UBE4A: variants seen among roughly 807,000 people sequenced by gnomAD.
UBE4A encodes the protein ubiquitination factor E4A, also known as ubiquitin conjugation factor E4 A.
UBE4A carries 48 observed loss-of-function variants against 117.9 expected under a neutral mutation model. The observed-to-expected ratio is 0.41, with a 90% CI of 0.32 to 0.52. UBE4A has a LOEUF of 0.52. Among genes scored for constraint, UBE4A ranks in the 20% least tolerant of loss-of-function variants. The pLI is 0.33. For missense variants in UBE4A, 1,067 were observed against 1,296.3 expected (o/e 0.82, Z 2.72); for synonymous variants, 407 against 450.0 (o/e 0.90, Z 1.21).
rs1202164884 is a variant in UBE4A, at chr11:118,373,211, C to A, written c.847C>A (p.Leu283Ile). 2 of 1,613,866 alleles carry A rather than the reference C, an allele frequency of 1.2e-6. No homozygotes were observed. The highest frequency in any genetic ancestry group is 8.5e-7 in the Non-Finnish European group (1 of 1,180,006). ...FDILLGRIKD[L>I]ELCQILLYAY... is the part of the protein sequence containing the mutation. ...TATTTTATTGGGCCGAATAAAAGATCTAGAGCTCTGTCAGATCCTTTTGTA... is the reference window on the plus strand; with the variant it reads ...TATTTTATTGGGCCGAATAAAAGATATAGAGCTCTGTCAGATCCTTTTGTA... The change falls in exon 7 of 20, where the codon CTA becomes ATA. Residue 283 changes from leucine (L) to isoleucine (I), a missense_variant. Coordinates refer to ENST00000252108, the MANE Select transcript of UBE4A (RefSeq NM_001204077.2).
chr11:118,377,054 T>TAA (rs565947532), intron 10 of UBE4A, among the ~76,000 whole-genome samples: 2 of 148,286 alleles, frequency 1.3e-5, no homozygotes, highest in African/African-American at 5.0e-5. Context: ...ACCTGTTTCT[T>TAA]AAAAAAAAAA....
intron 6 of UBE4A, 161 bp downstream of exon 6, chr11:118,372,827 G>A: frequency 1.8e-6 from 2 of 1,127,826 alleles, no homozygotes; most frequent in Non-Finnish European, 2.5e-6. Context: ...ATAGAATAAA[G>A]CTGGGCATGG....
chr11:118,379,438 G>C lies in UBE4A; in HGVS notation c.1572-8G>C, dbSNP rs782024590. ...CTGACCCAGTCTCTTCTGCTTTCTTGGGGGCAGGTTGCATGATCAGATGGT... is the reference window on the plus strand; with the variant it reads ...CTGACCCAGTCTCTTCTGCTTTCTTCGGGGCAGGTTGCATGATCAGATGGT... On this transcript the variant is annotated splice_polypyrimidine_tract_variant and splice_region_variant and intron_variant, in intron 10 of 19. Coordinates refer to ENST00000252108, the MANE Select transcript of UBE4A (RefSeq NM_001204077.2). 3 of 1,609,180 alleles carry C rather than the reference G, an allele frequency of 1.9e-6. No individual in the cohort carries two copies. In the Admixed American group the frequency reaches 5.0e-5, roughly 27 times the overall value.
Position 118,372,658 on chromosome 11 carries a change from A to G in UBE4A, c.713A>G (p.Gln238Arg), listed in dbSNP as rs371016655. The G allele has an allele frequency of 1.9e-6, 3 of 1,613,954 alleles. No individual in the cohort carries two copies. Among genetic ancestry groups the G allele is most frequent in the African/African-American group, 2.7e-5 (2 of 74,926 alleles). ...QLVDLMLEAI[Q>R]GAHFEDVTEF... ...GTAGATTTGATGTTAGAAGCCATCC[A>G]GGGAGCCCGTGAGTACATGAACAAG... is the stretch of plus-strand genomic sequence containing the variant. The change falls in exon 6 of 20, where the codon CAG (glutamine) becomes CGG (arginine). Residue 238 changes from glutamine to arginine, a missense_variant. By Grantham distance (43) the Gln-to-Arg change is conservative. Transcript: ENST00000252108.
At position 118,384,655 on chromosome 11, in the gene UBE4A, C is replaced by A; in HGVS notation, c.2218C>A (p.Gln740Lys). 1 of 1,614,044 alleles carries A rather than the reference C, an allele frequency of 6.2e-7. No individual in the cohort carries two copies. The highest frequency in any genetic ancestry group is 8.5e-7 in the Non-Finnish European group (1 of 1,179,986). The change falls in exon 14 of 20, where the codon CAG becomes AAG. Residue 740 changes from glutamine (Q) to lysine (K), a missense_variant. Gln to Lys is a moderately conservative substitution (Grantham distance 53). This residue lies in a region of UBE4A where 1,001 missense variants were observed against 1,184.0 expected (regional missense o/e 0.85). Transcript: ENST00000252108. ...TCCAGGAGACCCCCATCAATTTGAACAGAAGTTTAATTACCGCCGTCCCAT... is the reference window on the plus strand; with the variant it reads ...TCCAGGAGACCCCCATCAATTTGAAAAGAAGTTTAATTACCGCCGTCCCAT... ...EFTGDPHQFE[Q>K]KFNYRRPMYP...
chr11:118,395,893 G>A (rs1948866717), intron 19 of UBE4A, among the ~76,000 whole-genome samples: 1 of 152,098 alleles, frequency 6.6e-6, no homozygotes, highest in African/African-American at 2.4e-5. Flanking sequence ...TGGCCAACAT[G>A]GTGAAACTCT....
chr11:118,370,384 G>C (rs760209533), intron 4 of UBE4A, among the ~76,000 whole-genome samples: 2 of 152,190 alleles, frequency 1.3e-5, no homozygotes, highest in Non-Finnish European at 2.9e-5. Context: ...CCAGCACTTT[G>C]GGAGGCCAAG....
Position 118,386,522 on chromosome 11 carries a change from G to A in UBE4A, c.2497G>A (p.Glu833Lys). Residue 833 changes from glutamate to lysine, a missense_variant, in exon 16 of 20, where the codon GAG (glutamate) becomes AAG (lysine). Coordinates refer to ENST00000252108, the MANE Select transcript of UBE4A (RefSeq NM_001204077.2). ...SLTPEARREK[E>K]AGLQMFGQLA... ...GACTCCAGAAGCCCGCCGAGAAAAGGAGGCTGGCCTACAGATGTTTGGACA... is the reference window on the plus strand; with the variant it reads ...GACTCCAGAAGCCCGCCGAGAAAAGAAGGCTGGCCTACAGATGTTTGGACA... 1 of 1,608,078 alleles carries A rather than the reference G, an allele frequency of 6.2e-7. No individual in the cohort carries two copies. The highest frequency in any genetic ancestry group is 1.3e-5 in the African/African-American group (1 of 74,414).
chr11:118,385,030 A>C, intron 15 of UBE4A, 85 bp downstream of exon 15: 1 of 1,260,860 alleles, frequency 7.9e-7, no homozygotes, highest in Non-Finnish European at 1.1e-6. Flanking sequence ...TTTAATCATA[A>C]TAGAGCAGTC....
At position 118,386,422 on chromosome 11, in the gene UBE4A, TC is replaced by T; in HGVS notation, c.2413-15del. The T allele has an allele frequency of 6.3e-7, 1 of 1,598,456 alleles. No homozygotes were observed. Among genetic ancestry groups the T allele is most frequent in the South Asian group, 1.1e-5 (1 of 88,206 alleles). On this transcript the variant is annotated splice_polypyrimidine_tract_variant and intron_variant, in intron 15 of 19. Transcript: ENST00000252108. ...CACCTTTCTTCTCTGATATATCCCA[TC>T]TCTGGTTTCTGCAGTATTTGAGCAA... is the stretch of plus-strand genomic sequence containing the variant.
intron 3 of UBE4A, 35 bp from the exon 4 acceptor site, chr11:118,369,388 T>C (rs747257013): frequency 1.5e-5 from 22 of 1,507,644 alleles, no homozygotes; most frequent in Non-Finnish European, 2.0e-5. Context: ...ACAGAAGCAT[T>C]ATCCTTAACC....
intron 2 of UBE4A, 45 bp downstream of exon 2, chr11:118,365,246 G>A: frequency 6.7e-7 from 1 of 1,483,582 alleles, no homozygotes; most frequent in African/African-American, 1.4e-5. Context: ...ACCTAGAATG[G>A]GGTCTTCCCA....
In UBE4A at chr11:118,390,781, A is replaced by C; in HGVS notation, c.2893A>C (p.Ser965Arg). 1 of 1,610,660 alleles carries C rather than the reference A, an allele frequency of 6.2e-7. No individual in the cohort carries two copies. The highest frequency in any genetic ancestry group is 8.5e-7 in the Non-Finnish European group (1 of 1,178,228). The change falls in exon 18 of 20, where the codon AGC becomes CGC. Residue 965 changes from serine to arginine, a missense_variant. By Grantham distance (110) the Ser-to-Arg change is moderately radical. Around this residue, in one of 3 missense-constraint regions of UBE4A, gnomAD observed 1,001 missense variants for 1,184.0 expected, o/e 0.85. Transcript: ENST00000252108. The stretch of plus-strand genomic sequence containing the variant: ...GCCTGGGAATATGATTATGGCTTTC[A>C]GCAACTTGGCAGAGAGAATCAAGGT... ...NKPGNMIMAF[S>R]NLAERIKSLA... is the part of the protein sequence containing the mutation.
chr11:118,368,774 C>T lies in UBE4A; in HGVS notation c.265C>T (p.Gln89Ter). 1.2e-6 allele frequency: 2 copies of T among 1,614,138 alleles called. No individual in the cohort carries two copies. The highest frequency in any genetic ancestry group is 1.7e-6 in the Non-Finnish European group (2 of 1,180,016). ...GCAACTCAACATCAATCACATGATC[C>T]AAAGGATCTTCCTTATTACTCTGGA... ...CEQLNINHMI[Q>*]RIFLITLDNS... is the part of the protein sequence containing the mutation. The change falls in exon 3 of 20, where the codon CAA becomes TAA. Residue 89 changes from glutamine to a stop codon, truncating the protein, a stop_gained. Transcript: ENST00000252108. LOFTEE classifies it high-confidence loss of function.
At chr11:118,373,772 C>G (rs1948628732) in intron 8 of UBE4A, 87 bp downstream of exon 8, 4 of 1,422,408 alleles carry the variant, frequency 2.8e-6, no homozygotes, top group Non-Finnish European at 3.7e-6. Context: ...GCTCAAGCCT[C>G]TCTGGGAAAG....
At chr11:118,383,588 CAAAA>C (rs11375309) in intron 13 of UBE4A, among the ~76,000 whole-genome samples, 5 of 54,230 alleles carry the variant, frequency 9.2e-5, no homozygotes, top group African/African-American at 1.4e-4. Flanking sequence ...AAATCCCTCT[CAAAA>C]AAAAAAAAAA....
At chr11:118,392,972 A>G in intron 19 of UBE4A, 77 bp downstream of exon 19, 1 of 1,473,034 alleles carries the variant, frequency 6.8e-7, no homozygotes, top group Non-Finnish European at 9.2e-7. Context: ...GGCACCTAAG[A>G]CAGTACTTTG....
rs1241343072 is a variant in UBE4A, at chr11:118,397,338, T to C, written c.*898T>C. 1 of 152,210 alleles carries C rather than the reference T, an allele frequency of 6.6e-6. No individual in the cohort carries two copies. Among genetic ancestry groups the C allele is most frequent in the Admixed American group, 6.5e-5 (1 of 15,286 alleles). The allele number at this position is 152,210 out of a possible 1,614,324, so 9.4% of individuals were successfully genotyped here. ...TGGTTTAGTGTAAACTGAGTACCAC[T>C]TTATATTTTCTCTTCCATAGTGAGA... On this transcript the variant is annotated 3_prime_UTR_variant, in exon 20 of 20. Transcript: ENST00000252108.
intron 9 of UBE4A, among the ~76,000 whole-genome samples, 170 bp from the exon 10 acceptor site, chr11:118,376,402 CTG>C (rs371912381): frequency 4.4e-4 from 67 of 152,290 alleles, no homozygotes; most frequent in African/African-American, 1.4e-3. Flanking sequence ...AAAGATTTAA[CTG>C]TATTTCTGTA....
Sources: allele counts gnomAD v4.1 joint callset (sites outside exome capture counted in the v4.1 genomes callset), GRCh38; gene constraint gnomAD v4.1.1; regional missense constraint gnomAD v4.1.1; transcripts MANE v1.5; gene names NCBI Gene and HGNC (gene_info 2026-07-23, HGNC 2026-07-21).